CHN2: variants seen among roughly 807,000 people sequenced by gnomAD.
CHN2 encodes beta-chimaerin.
CHN2 carries 35 observed loss-of-function variants against 56.3 expected under a neutral mutation model. The ratio of observed to expected loss-of-function variants is 0.62; its 90% CI spans 0.47 to 0.82. CHN2 has a LOEUF of 0.82. Ranked by LOEUF, CHN2 falls within the 40% of genes least tolerant of loss-of-function variation. CHN2 has a pLI of 0.00. For synonymous variants in CHN2, 210 were observed against 212.8 expected (o/e 0.99, Z 0.12); for missense variants, 491 against 580.5 (o/e 0.85, Z 1.58).
intron 1 of CHN2, among the ~76,000 whole-genome samples, chr7:29,324,479 C>A (rs1017206933): frequency 6.6e-6 from 1 of 152,168 alleles, no homozygotes; most frequent in Admixed American, 6.5e-5. Flanking sequence ...TCAGCTGTTA[C>A]AATTTTTCTC....
At chr7:29,278,950 C>G (rs956061713) in intron 1 of CHN2, among the ~76,000 whole-genome samples, 1 of 152,090 alleles carries the variant, frequency 6.6e-6, no homozygotes, top group Admixed American at 6.5e-5. Context: ...CTGCCTCCCC[C>G]CAGGCCTGTC....
intron 7 of CHN2, chr7:29,484,044 A>G (rs1787675131): frequency 2.0e-6 from 1 of 489,334 alleles, no homozygotes; most frequent in African/African-American, 2.0e-5. Flanking sequence ...TTTTGTATCT[A>G]GCTTTTTCAG....
intron 3 of CHN2, among the ~76,000 whole-genome samples, chr7:29,372,714 C>T (rs1799712792): frequency 6.6e-6 from 1 of 152,252 alleles, no homozygotes; most frequent in Non-Finnish European, 1.5e-5. Flanking sequence ...GTGAGCTAGA[C>T]TTTTGGCAGT....
chr7:29,373,153 C>T (rs1156231286), intron 3 of CHN2, among the ~76,000 whole-genome samples: 1 of 151,990 alleles, frequency 6.6e-6, no homozygotes, highest in Admixed American at 6.6e-5. Flanking sequence ...AGAAGTTAGA[C>T]CAAGTACTGA....
At chr7:29,166,997 C>T (rs1479211778) in intron 2 of CHN2, among the ~76,000 whole-genome samples, 1 of 151,964 alleles carries the variant, frequency 6.6e-6, no homozygotes, top group Non-Finnish European at 1.5e-5. Context: ...TTTTTGCATG[C>T]ATAGAGTACA....
At chr7:29,277,680 G>C (rs1223136636) in intron 1 of CHN2, among the ~76,000 whole-genome samples, 2 of 152,206 alleles carry the variant, frequency 1.3e-5, no homozygotes, top group Non-Finnish European at 2.9e-5. Context: ...TGGCTGTAAA[G>C]TCATTGCACA....
intron 2 of CHN2, among the ~76,000 whole-genome samples, chr7:29,175,531 T>C: frequency 6.6e-6 from 1 of 152,102 alleles, no homozygotes; most frequent in Non-Finnish European, 1.5e-5. Flanking sequence ...CATACTCTCT[T>C]GCCTGCCGCC....
At chr7:29,203,442 G>C (rs1784299433) in intron 1 of CHN2, among the ~76,000 whole-genome samples, 1 of 134,214 alleles carries the variant, frequency 7.5e-6, no homozygotes. Context: ...ATTCCAGCCT[G>C]GGCAACATGA....
At chr7:29,300,694 A>T (rs1793594929) in intron 1 of CHN2, among the ~76,000 whole-genome samples, 1 of 152,252 alleles carries the variant, frequency 6.6e-6, no homozygotes, top group Admixed American at 6.5e-5. Flanking sequence ...GAAATTCTGA[A>T]TTAATGAAGC....
intron 2 of CHN2, among the ~76,000 whole-genome samples, chr7:29,163,385 AT>A (rs1795465015): frequency 6.6e-6 from 1 of 152,160 alleles, no homozygotes; most frequent in South Asian, 2.1e-4. Flanking sequence ...AACCTTAAAA[AT>A]GTTTAAAAAT....
rs76107799 is a variant in CHN2, at chr7:29,398,134, T to G, written c.177-239T>G. ...ATTTTCAACTTGAAAGCAAAGACAA[T>G]AGCAGAAAGCCAGGTGGACTGGGCA... On this transcript the variant is annotated intron_variant, in intron 4 of 12. Coordinates refer to ENST00000222792, the MANE Select transcript of CHN2 (RefSeq NM_004067.4). 1.0e-3 allele frequency: 338 copies of G among 333,542 alleles called. 6 individuals carry two copies. The East Asian group carries it at 0.016, about 15-fold the overall frequency. The allele number at this position is 333,542 out of a possible 1,614,324, so 20.7% of individuals were successfully genotyped here. A position where few individuals can be genotyped will look rare whatever the true frequency, so the allele number is the denominator to read the frequency against.
intron 6 of CHN2, among the ~76,000 whole-genome samples, chr7:29,427,988 A>G (rs942592633): frequency 2.6e-5 from 4 of 152,116 alleles, no homozygotes; most frequent in African/African-American, 7.2e-5. Context: ...CATGTTTGGA[A>G]TAGGTGGTGC....
Position 29,390,160 on chromosome 7 carries a change from A to G in CHN2, c.145-3519A>G, listed in dbSNP as rs185763413. ...CCCATTTCATGTGTTTTCTCACTCAATGACCTCCTACTTGGTGCTCTCCCT... is the reference window on the plus strand; with the variant it reads ...CCCATTTCATGTGTTTTCTCACTCAGTGACCTCCTACTTGGTGCTCTCCCT... On this transcript the variant is annotated intron_variant, in intron 3 of 12. Coordinates refer to ENST00000222792, the MANE Select transcript of CHN2 (RefSeq NM_004067.4). 5.3e-5 allele frequency among the ~76,000 whole-genome samples: 8 copies of G among 152,132 alleles called. No homozygotes were observed. In the East Asian group the frequency reaches 9.6e-4, roughly 18 times the overall value.
Position 29,513,971 on chromosome 7 carries a change from C to A in CHN2, c.*1236C>A, listed in dbSNP as rs1304048770. The A allele has an allele frequency of 6.6e-6, 1 of 152,420 alleles. No individual in the cohort carries two copies. The highest frequency in any genetic ancestry group is 1.5e-5 in the Non-Finnish European group (1 of 68,006). 9.4% of individuals were successfully genotyped at this position (152,420 alleles called of 1,614,324 possible). On this transcript the variant is annotated 3_prime_UTR_variant, in exon 13 of 13. Transcript: ENST00000222792. The stretch of plus-strand genomic sequence containing the variant: ...TGTAAATCTAGATTTTTAAAAAATC[C>A]AACTGCAATGTCTTTTCCTTTGATT...
chr7:29,404,871 A>C (rs1802503834), intron 6 of CHN2, among the ~76,000 whole-genome samples: 1 of 152,054 alleles, frequency 6.6e-6, no homozygotes, highest in African/African-American at 2.4e-5. Flanking sequence ...AGCCAAAAAA[A>C]GCTTTAGCAT....
chr7:29,291,302 C>T (rs562082193), intron 1 of CHN2, among the ~76,000 whole-genome samples: 77 of 152,222 alleles, frequency 5.1e-4, no homozygotes, highest in Non-Finnish European at 9.7e-4. Flanking sequence ...TCCCTGGCAC[C>T]AGCTGCAACC....
At chr7:29,263,037 C>CGGTCCTCGTCTCCCCTTTGCAT (rs1789697603) in intron 1 of CHN2, among the ~76,000 whole-genome samples, 2 of 152,184 alleles carry the variant, frequency 1.3e-5, no homozygotes, top group Non-Finnish European at 2.9e-5. Context: ...CCCCTTTGCA[C>CGGTCCTCGTCTCCCCTTTGCAT]GGTCCTCGTC....
At chr7:29,163,338 A>G (rs1795455721) in intron 2 of CHN2, among the ~76,000 whole-genome samples, 1 of 152,110 alleles carries the variant, frequency 6.6e-6, no homozygotes, top group Admixed American at 6.5e-5. Flanking sequence ...AATACTCTAT[A>G]TTGAATTAAG....
At chr7:29,350,258 G>C (rs888596601) in intron 1 of CHN2, among the ~76,000 whole-genome samples, 4 of 151,884 alleles carry the variant, frequency 2.6e-5, no homozygotes, top group African/African-American at 9.7e-5. Flanking sequence ...TTTGCCAAAT[G>C]ACAAAGTGAA....
Sources: allele counts gnomAD v4.1 joint callset (sites outside exome capture counted in the v4.1 genomes callset), GRCh38; gene constraint gnomAD v4.1.1; transcripts MANE v1.5; gene names NCBI Gene and HGNC (gene_info 2026-07-23, HGNC 2026-07-21).